Variants in RTN3 observed in about 807,000 individuals in gnomAD.
The protein encoded by RTN3 is reticulon-3.
RTN3 carries 49 observed loss-of-function variants against 77.8 expected under a neutral mutation model. That is an observed-to-expected ratio of 0.63 (90% CI 0.50 to 0.80). RTN3 has a LOEUF of 0.80. Ranked by LOEUF, RTN3 falls within the 30% of genes least tolerant of loss-of-function variation. RTN3 has a pLI of 0.00. For synonymous variants in RTN3, 464 were observed against 446.9 expected, an observed-to-expected ratio of 1.04 and a Z score of -0.48; for missense variants, 1,236 against 1,211.9, an observed-to-expected ratio of 1.02 and a Z score of -0.29.
intron 3 of RTN3, chr11:63,747,074 A>G (rs746020226): frequency 1.1e-4 from 51 of 448,074 alleles, no homozygotes; most frequent in South Asian, 7.5e-4. Context: ...TTTGAAGACT[A>G]TAGGCCAGTT....
At position 63,734,768 on chromosome 11, in the gene RTN3, CA is replaced by C. The variant is rs1565333356; in HGVS notation, c.2530+13737del. Among the ~76,000 whole-genome samples the C allele has an allele frequency of 4.2e-4, 64 of 150,674 alleles. 1 individual carries two copies. Among genetic ancestry groups the C allele is most frequent in the Middle Eastern group, 3.4e-3 (1 of 290 alleles). ...ACACACACACACACACACACACACA[CA>C]CACACACACACACCATACTGGAGGT... On this transcript the variant is annotated intron_variant, in intron 3 of 8. Transcript: ENST00000377819.
intron 1 of RTN3, among the ~76,000 whole-genome samples, chr11:63,691,576 C>T (rs537482248): frequency 6.6e-6 from 1 of 151,998 alleles, no homozygotes; most frequent in Admixed American, 6.6e-5. Flanking sequence ...CTTTTAAGTT[C>T]GTTCTTCTCA....
chr11:63,684,443 G>A (rs999505285), intron 1 of RTN3, among the ~76,000 whole-genome samples: 2 of 151,484 alleles, frequency 1.3e-5, no homozygotes, highest in Admixed American at 1.3e-4. Flanking sequence ...CACCACACAC[G>A]GCCCACACCT....
intron 3 of RTN3, among the ~76,000 whole-genome samples, chr11:63,729,476 A>C (rs1224731256): frequency 1.8e-5 from 2 of 109,724 alleles, no homozygotes. Flanking sequence ...TTGAGACAGG[A>C]TCTGGCTCTG....
intron 2 of RTN3, among the ~76,000 whole-genome samples, chr11:63,712,720 C>T (rs544137649): frequency 2.8e-4 from 43 of 152,106 alleles, no homozygotes; most frequent in Admixed American, 1.3e-4. Flanking sequence ...CTCCTGACCT[C>T]GTGATCAGGA....
chr11:63,721,752 G>C (rs1017282829), intron 3 of RTN3, among the ~76,000 whole-genome samples: 3 of 151,864 alleles, frequency 2.0e-5, no homozygotes, highest in Admixed American at 6.6e-5. Flanking sequence ...TTAGCACTTG[G>C]ATTTTTTGAT....
At chr11:63,686,418 C>T (rs1941374446) in intron 1 of RTN3, among the ~76,000 whole-genome samples, 1 of 149,744 alleles carries the variant, frequency 6.7e-6, no homozygotes, top group African/African-American at 2.5e-5. Context: ...TTGCAGTGAG[C>T]CTAGATTGCA....
rs1942421186 is a variant in RTN3 at position 63,704,863 on chromosome 11, C to A, written c.155C>A (p.Ser52Tyr). 1 of 1,611,020 alleles carries A rather than the reference C, an allele frequency of 6.2e-7. No individual in the cohort carries two copies. Among genetic ancestry groups the A allele is most frequent in the Non-Finnish European group, 8.5e-7 (1 of 1,177,488 alleles). ...TATTTTCTTTCAGATTCCTTTGTTT[C>A]TTCCTCTTCCTCTCAGCCTGTATCT... ...CSSSCADSFV[S>Y]SSSSQPVSLF... Residue 52 changes from serine (S) to tyrosine (Y), a missense_variant, in exon 2 of 9, where the codon TCT (serine) becomes TAT (tyrosine). Physicochemically the swap from Ser to Tyr is moderately radical, Grantham distance 144. Coordinates refer to ENST00000377819, the MANE Select transcript of RTN3 (RefSeq NM_001265589.2).
intron 2 of RTN3, among the ~76,000 whole-genome samples, chr11:63,711,381 TTTA>T (rs1279034354): frequency 6.7e-6 from 1 of 148,798 alleles, no homozygotes; most frequent in Non-Finnish European, 1.5e-5. Flanking sequence ...TTTTGGGTTT[TTTA>T]TTTTTTTTTT....
chr11:63,747,731 CAAAT>C (rs1351588909), intron 3 of RTN3, among the ~76,000 whole-genome samples: 3 of 152,172 alleles, frequency 2.0e-5, no homozygotes, highest in African/African-American at 4.8e-5. Context: ...CATTTTATCG[CAAAT>C]AAGTCTTTTC....
chr11:63,704,965 G>A, intron 2 of RTN3, 58 bp downstream of exon 2: 1 of 1,271,756 alleles, frequency 7.9e-7, no homozygotes, highest in Non-Finnish European at 1.1e-6. Flanking sequence ...GAAAGAGGCT[G>A]TAACTGGGGA....
intron 2 of RTN3, chr11:63,714,001 A>G (rs1390593351): frequency 3.9e-6 from 2 of 518,684 alleles, no homozygotes; most frequent in South Asian, 1.4e-5. Context: ...AGTGACTACA[A>G]GTGCCATACT....
At chr11:63,732,153 A>G in intron 3 of RTN3, among the ~76,000 whole-genome samples, 1 of 152,144 alleles carries the variant, frequency 6.6e-6, no homozygotes, top group Non-Finnish European at 1.5e-5. Flanking sequence ...GGAAAGTTCA[A>G]CAAAATTATT....
In RTN3 at chr11:63,751,549, T is replaced by G. The variant is rs766759120; in HGVS notation, c.2739-958T>G. 1.1e-3 allele frequency among the ~76,000 whole-genome samples: 173 copies of G among 152,236 alleles called. 1 individual carries two copies. Among genetic ancestry groups the G allele is most frequent in the Non-Finnish European group, 2.0e-3 (139 of 68,006 alleles). On this transcript the variant is annotated intron_variant, in intron 4 of 8. Transcript: ENST00000377819. ...GACTTTAACGTGAGCAAATGACAGTTTTTTGAAGGCTCTTTTTTCATAGAG... is the reference window on the plus strand; with the variant it reads ...GACTTTAACGTGAGCAAATGACAGTGTTTTGAAGGCTCTTTTTTCATAGAG...
chr11:63,698,351 G>C (rs1942070146), intron 1 of RTN3, among the ~76,000 whole-genome samples: 2 of 152,002 alleles, frequency 1.3e-5, no homozygotes, highest in East Asian at 3.9e-4. Flanking sequence ...GTCTCAAACT[G>C]CTGAGGTCAA....
chr11:63,688,358 G>A (rs1275140344), intron 1 of RTN3, among the ~76,000 whole-genome samples: 1 of 152,002 alleles, frequency 6.6e-6, no homozygotes, highest in Non-Finnish European at 1.5e-5. Context: ...CAGTAGCTGG[G>A]ACTACAGGTG....
intron 3 of RTN3, among the ~76,000 whole-genome samples, chr11:63,737,809 A>G (rs1206476277): frequency 1.3e-5 from 2 of 152,194 alleles, no homozygotes; most frequent in Non-Finnish European, 2.9e-5. Flanking sequence ...TGAGATGAAC[A>G]TTAGTTTGAA....
At chr11:63,702,736 A>C (rs1942305429) in intron 1 of RTN3, among the ~76,000 whole-genome samples, 2 of 149,850 alleles carry the variant, frequency 1.3e-5, no homozygotes, top group African/African-American at 2.5e-5. Context: ...CCCAGGCTGG[A>C]GTGCAATGGC....
At chr11:63,692,035 A>T (rs559929358) in intron 1 of RTN3, among the ~76,000 whole-genome samples, 2 of 152,204 alleles carry the variant, frequency 1.3e-5, no homozygotes, top group East Asian at 3.9e-4. Flanking sequence ...GGCTTCAACC[A>T]TACTGGCCTC....
Sources: gnomAD v4.1 joint callset for allele counts (sites outside exome capture counted in the v4.1 genomes callset) on GRCh38, gnomAD v4.1.1 for gene constraint, MANE v1.5 for transcripts, NCBI Gene and HGNC (gene_info 2026-07-23, HGNC 2026-07-21) for gene names.